The following ACBD5 variants were observed in gnomAD, a reference collection of about 807,000 sequenced individuals.
ACBD5 encodes acyl-CoA binding domain containing 5, also known as acyl-CoA-binding domain-containing protein 5.
In ACBD5, 40 loss-of-function variants were observed where a neutral mutation model predicts 71.8. The ratio of observed to expected loss-of-function variants is 0.56; its 90% CI spans 0.43 to 0.72. ACBD5 has a LOEUF of 0.72. Among genes scored for constraint, ACBD5 ranks in the 30% least tolerant of loss-of-function variants. ACBD5 has a pLI of 0.00. For missense variants in ACBD5, 559 were observed against 644.5 expected, an observed-to-expected ratio of 0.87 and a Z score of 1.44; for synonymous variants, 229 against 218.6, an observed-to-expected ratio of 1.05 and a Z score of -0.42.
At chr10:27,207,141 T>C (rs992288494) in intron 10 of ACBD5, among the ~76,000 whole-genome samples, 2 of 151,878 alleles carry the variant, frequency 1.3e-5, no homozygotes, top group Non-Finnish European at 2.9e-5. Flanking sequence ...CTGGGCATGG[T>C]GGCGTGCGCC....
chr10:27,194,135 C>G (rs1281095933), downstream of ACBD5, among the ~76,000 whole-genome samples: 1 of 151,926 alleles, frequency 6.6e-6, no homozygotes, highest in Non-Finnish European at 1.5e-5. Flanking sequence ...CCTGTAATCC[C>G]AGCTACTCAG....
intron 8 of ACBD5, among the ~76,000 whole-genome samples, chr10:27,213,054 G>C (rs2061272013): frequency 6.6e-6 from 1 of 152,218 alleles, no homozygotes; most frequent in Non-Finnish European, 1.5e-5. Context: ...AGGTAGGTAG[G>C]AAACAGAATG....
chr10:27,221,449 TATAGCTAG>T (rs1355055853), intron 5 of ACBD5, among the ~76,000 whole-genome samples: 2 of 152,202 alleles, frequency 1.3e-5, no homozygotes, highest in Non-Finnish European at 1.5e-5. Context: ...AATTGTAAGT[TATAGCTAG>T]GTAGCTGTGA....
chr10:27,235,181 A>G lies in ACBD5; in HGVS notation c.213T>C (p.Leu71=). 6.2e-7 allele frequency: 1 copy of G among 1,614,058 alleles called. No individual in the cohort carries two copies. The highest frequency in any genetic ancestry group is 8.5e-7 in the Non-Finnish European group (1 of 1,179,964). Residue 71 remains leucine (L), a synonymous_variant, in exon 3 of 13, where the codon CTT becomes CTC. Coordinates refer to ENST00000396271, the MANE Select transcript of ACBD5 (RefSeq NM_145698.5). ...CCTGCTTATAGAAGCTATAAAATTT[A>G]AGCATCATTTCATTTGTTGGCTGGA... ...GSFQPTNEMM[L]KFYSFYKQAT...
At chr10:27,223,477 G>A (rs1057435401) in intron 4 of ACBD5, 25 bp from the exon 5 acceptor site, 9 of 1,531,832 alleles carry the variant, frequency 5.9e-6, no homozygotes, top group Non-Finnish European at 7.2e-6. Flanking sequence ...AACAAATATT[G>A]TGAAATCACA....
In ACBD5 at chr10:27,196,972, C is replaced by T. The variant is rs12356269; in HGVS notation, c.*458G>A. The T allele has an allele frequency of 0.017, 7,825 of 453,938 alleles. 138 individuals are homozygous for T. The highest frequency in any genetic ancestry group is 0.039 in the South Asian group (2,536 of 64,312). 28.1% of individuals were successfully genotyped at this position (453,938 alleles called of 1,614,324 possible). ...CAACTCCGTGACTAAGATATAAAGT[C>T]GATTACATCTCATTTGAAATTCACT... On this transcript the variant is annotated 3_prime_UTR_variant, in exon 13 of 13. Coordinates refer to ENST00000396271, the MANE Select transcript of ACBD5 (RefSeq NM_145698.5).
At chr10:27,239,287 C>A (rs1284702306) in intron 2 of ACBD5, among the ~76,000 whole-genome samples, 1 of 152,192 alleles carries the variant, frequency 6.6e-6, no homozygotes, top group East Asian at 1.9e-4. Flanking sequence ...TAAGACTCTG[C>A]ATTTAGAACA....
chr10:27,222,088 A>G (rs2137575223), intron 5 of ACBD5, among the ~76,000 whole-genome samples: 1 of 152,284 alleles, frequency 6.6e-6, no homozygotes, highest in East Asian at 1.9e-4. Flanking sequence ...TACTACTTGC[A>G]CGTGGTTTAT....
chr10:27,223,638 G>C (rs1374551225), intron 4 of ACBD5, among the ~76,000 whole-genome samples, 186 bp from the exon 5 acceptor site: 1 of 151,942 alleles, frequency 6.6e-6, no homozygotes, highest in East Asian at 1.9e-4. Flanking sequence ...CTAAGTGGTG[G>C]CTCATGCCTG....
chr10:27,222,187 T>C (rs2062436062), intron 5 of ACBD5, among the ~76,000 whole-genome samples: 1 of 151,984 alleles, frequency 6.6e-6, no homozygotes, highest in Admixed American at 6.6e-5. Flanking sequence ...GTCTTATAAA[T>C]AGGGATGTCA....
chr10:27,237,026 G>T (rs952821959), intron 2 of ACBD5, among the ~76,000 whole-genome samples: 1 of 151,832 alleles, frequency 6.6e-6, no homozygotes, highest in African/African-American at 2.4e-5. Context: ...TGCACATTTA[G>T]GAGTACCTAA....
At chr10:27,201,000 C>G (rs891136523) in intron 12 of ACBD5, among the ~76,000 whole-genome samples, 2 of 152,018 alleles carry the variant, frequency 1.3e-5, no homozygotes, top group African/African-American at 4.8e-5. Context: ...AGTGAGACCC[C>G]CATCTCAACA....
chr10:27,235,673 CAA>C (rs1291460711), intron 2 of ACBD5, among the ~76,000 whole-genome samples: 1 of 152,060 alleles, frequency 6.6e-6, no homozygotes, highest in Non-Finnish European at 1.5e-5. Flanking sequence ...GGGCTAAAGC[CAA>C]AGAGTATACA....
intron 10 of ACBD5, among the ~76,000 whole-genome samples, chr10:27,205,919 T>C (rs2060426970): frequency 6.6e-6 from 1 of 152,086 alleles, no homozygotes; most frequent in Admixed American, 6.6e-5. Flanking sequence ...ATTTTATTAT[T>C]GTATTGTATT....
At chr10:27,185,958 A>T (rs1334130635) in intron 13 of ACBD5, among the ~76,000 whole-genome samples, 1 of 151,904 alleles carries the variant, frequency 6.6e-6, no homozygotes, top group African/African-American at 2.4e-5. Flanking sequence ...GTGTGGTGGC[A>T]CACACCTGTA....
chr10:27,198,498 A>G (rs1297370721), intron 12 of ACBD5, among the ~76,000 whole-genome samples: 1 of 152,188 alleles, frequency 6.6e-6, no homozygotes, highest in Non-Finnish European at 1.5e-5. Flanking sequence ...GGCAGGAGTG[A>G]TATTTTAAAC....
chr10:27,226,905 C>T (rs1389425831), intron 4 of ACBD5, among the ~76,000 whole-genome samples: 5 of 151,888 alleles, frequency 3.3e-5, no homozygotes, highest in Admixed American at 2.0e-4. Flanking sequence ...CCACCCACCT[C>T]GGCCTCCCAA....
chr10:27,223,565 A>G (rs532684353), intron 4 of ACBD5, 113 bp from the exon 5 acceptor site: 9 of 806,012 alleles, frequency 1.1e-5, no homozygotes, highest in Non-Finnish European at 1.9e-5. Context: ...TTTGACATTC[A>G]TAATAGACTC....
chr10:27,186,252 C>T lies in ACBD5; in HGVS notation c.1494-3537G>A. 6 of 973,332 alleles carry T rather than the reference C, an allele frequency of 6.2e-6. No homozygotes were observed. In the South Asian group the frequency reaches 6.8e-5, roughly 11 times the overall value. The allele number at this position is 973,332 out of a possible 1,614,324, so 60.3% of individuals were successfully genotyped here. On this transcript the variant is annotated intron_variant, in intron 13 of 13. Transcript: ENST00000676511. ...GGCCTAACAGACATTAAACAAATGT[C>T]TGTGAAACTGACATAATAAAGTAAG...
Sources: gnomAD v4.1 joint callset for allele counts (sites outside exome capture counted in the v4.1 genomes callset) on GRCh38, gnomAD v4.1.1 for gene constraint, MANE v1.5 for transcripts, NCBI Gene and HGNC (gene_info 2026-07-23, HGNC 2026-07-21) for gene names.